Variants in GAB2 observed in about 807,000 individuals in gnomAD.
GAB2 encodes the protein GRB2-associated-binding protein 2.
A neutral mutation model predicts 65.5 loss-of-function variants in GAB2; 26 were observed. That is an observed-to-expected ratio of 0.40 (90% CI 0.29 to 0.55). GAB2 has a LOEUF of 0.55. Ranked by LOEUF, GAB2 falls within the 20% of genes least tolerant of loss-of-function variation. The pLI is 0.53. For missense variants in GAB2, 884 were observed against 875.8 expected (o/e 1.01, Z -0.12); for synonymous variants, 321 against 329.6 (o/e 0.97, Z 0.28).
At chr11:78,339,689 G>A (rs1459645249) in intron 1 of GAB2, among the ~76,000 whole-genome samples, 1 of 152,182 alleles carries the variant, frequency 6.6e-6, no homozygotes, top group Admixed American at 6.5e-5. Flanking sequence ...TGTAAGATAT[G>A]TTCTTTATGT....
At chr11:78,361,185 T>TGTAC (rs1458339547) in intron 1 of GAB2, among the ~76,000 whole-genome samples, 1 of 152,192 alleles carries the variant, frequency 6.6e-6, no homozygotes, top group African/African-American at 2.4e-5. Flanking sequence ...AAGTTGAACC[T>TGTAC]GTACCTCTAA....
At chr11:78,316,130 G>A (rs1037795698) in intron 1 of GAB2, among the ~76,000 whole-genome samples, 1 of 152,004 alleles carries the variant, frequency 6.6e-6, no homozygotes, top group Admixed American at 6.6e-5. Flanking sequence ...GGACTTGCAC[G>A]GGGGGCCAGG....
intron 1 of GAB2, among the ~76,000 whole-genome samples, chr11:78,354,416 T>C (rs147666706): frequency 7.1e-4 from 108 of 152,220 alleles, no homozygotes; most frequent in African/African-American, 2.6e-3. Context: ...ATCATATGTA[T>C]TGTATCATAT....
chr11:78,249,099 AAGT>A (rs774034953), intron 3 of GAB2, among the ~76,000 whole-genome samples: 44 of 152,232 alleles, frequency 2.9e-4, no homozygotes, highest in Non-Finnish European at 4.9e-4. Context: ...AGAAAAACAA[AAGT>A]AGGGTAGCAT....
chr11:78,231,302 C>T (rs1009355619), intron 3 of GAB2, among the ~76,000 whole-genome samples: 1 of 151,258 alleles, frequency 6.6e-6, no homozygotes, highest in Non-Finnish European at 1.5e-5. Flanking sequence ...TGCCACCATA[C>T]AGTCTCTCCC....
chr11:78,323,790 CTTTTTTTTTT>C (rs749282969), intron 1 of GAB2, among the ~76,000 whole-genome samples: 11 of 77,264 alleles, frequency 1.4e-4, no homozygotes, highest in African/African-American at 3.0e-4. Context: ...CTGAATCTTT[CTTTTTTTTTT>C]TTTTTTTTTT....
At chr11:78,396,572 T>C (rs1256385917) in intron 1 of GAB2, among the ~76,000 whole-genome samples, 1 of 152,200 alleles carries the variant, frequency 6.6e-6, no homozygotes, top group African/African-American at 2.4e-5. Flanking sequence ...AAAACCTATG[T>C]TGTAGATGAC....
intron 1 of GAB2, among the ~76,000 whole-genome samples, chr11:78,385,112 A>T (rs1035482857): frequency 6.6e-6 from 1 of 152,196 alleles, no homozygotes; most frequent in African/African-American, 2.4e-5. Flanking sequence ...GCAGGATACA[A>T]AGTATCAAAA....
intron 1 of GAB2, among the ~76,000 whole-genome samples, chr11:78,324,378 C>G (rs1855785956): frequency 6.6e-6 from 1 of 152,114 alleles, no homozygotes; most frequent in South Asian, 2.1e-4. Flanking sequence ...GGGCTGGTCT[C>G]TACTCACAAA....
intron 1 of GAB2, among the ~76,000 whole-genome samples, chr11:78,350,921 G>A (rs1348379263): frequency 6.6e-6 from 1 of 152,222 alleles, no homozygotes; most frequent in African/African-American, 2.4e-5. Flanking sequence ...GGTTTGAGAG[G>A]AAGACACACA....
At chr11:78,381,805 ATTGT>A (rs561230170) in intron 1 of GAB2, among the ~76,000 whole-genome samples, 141 of 152,368 alleles carry the variant, frequency 9.3e-4, no homozygotes, top group African/African-American at 2.9e-3. Flanking sequence ...TATAGTATGG[ATTGT>A]TTCTCAAATT....
chr11:78,260,539 T>G (rs1865701500), intron 2 of GAB2, among the ~76,000 whole-genome samples: 1 of 151,984 alleles, frequency 6.6e-6, no homozygotes, highest in East Asian at 1.9e-4. Context: ...TGGTGCGATC[T>G]TGGCTCACTG....
rs1387939679 is a variant in GAB2 at position 78,220,435 on chromosome 11, C to A, written c.1771G>T (p.Val591Leu). ...EENYVPMQNP[V>L]SASPVPSGTN... The stretch of plus-strand genomic sequence containing the variant: ...CCACTGGGAACGGGAGATGCAGACA[C>A]TGGGTTTTGCTGTCACGAGGAGGAA... The change falls in exon 9 of 10, where the codon GTG becomes TTG. Residue 591 changes from valine (V) to leucine (L), a missense_variant. Transcript: ENST00000361507. 1 of 1,573,308 alleles carries A rather than the reference C, an allele frequency of 6.4e-7. No individual in the cohort carries two copies. The highest frequency in any genetic ancestry group is 1.1e-5 in the South Asian group (1 of 87,854).
At chr11:78,351,254 CTTTT>C (rs1373581473) in intron 1 of GAB2, among the ~76,000 whole-genome samples, 1 of 145,310 alleles carries the variant, frequency 6.9e-6, no homozygotes, top group African/African-American at 2.5e-5. Context: ...ACCCAGTGGC[CTTTT>C]TTTTTTTTAA....
At chr11:78,352,406 C>T (rs1856292446) in intron 1 of GAB2, among the ~76,000 whole-genome samples, 1 of 152,234 alleles carries the variant, frequency 6.6e-6, no homozygotes, top group African/African-American at 2.4e-5. Context: ...GGACAGAGCT[C>T]AGCAGGGCTT....
intron 1 of GAB2, among the ~76,000 whole-genome samples, chr11:78,338,856 T>C (rs960075938): frequency 1.3e-5 from 2 of 152,164 alleles, no homozygotes; most frequent in African/African-American, 4.8e-5. Context: ...GGTTTTAGAC[T>C]AAGGGCAACG....
intron 1 of GAB2, among the ~76,000 whole-genome samples, chr11:78,351,350 C>G (rs1006848950): frequency 6.6e-6 from 1 of 151,916 alleles, no homozygotes; most frequent in East Asian, 1.9e-4. Flanking sequence ...CTCTAGGGGG[C>G]AGGGGATGCA....
chr11:78,269,643 C>T (rs1344109381), intron 2 of GAB2, among the ~76,000 whole-genome samples: 2 of 152,176 alleles, frequency 1.3e-5, no homozygotes, highest in African/African-American at 4.8e-5. Context: ...TATCGTTTGA[C>T]CCCAGGTGGG....
At chr11:78,225,500 C>T (rs930146497) in intron 4 of GAB2, among the ~76,000 whole-genome samples, 2 of 152,238 alleles carry the variant, frequency 1.3e-5, no homozygotes, top group Admixed American at 1.3e-4. Flanking sequence ...TCACCCCAGC[C>T]ATCACTTCTC....
Sources: allele counts gnomAD v4.1 joint callset (sites outside exome capture counted in the v4.1 genomes callset), GRCh38; gene constraint gnomAD v4.1.1; transcripts MANE v1.5; gene names NCBI Gene and HGNC (gene_info 2026-07-23, HGNC 2026-07-21).